Variants in MYH15 observed in about 807,000 individuals in gnomAD.
The protein encoded by MYH15 is myosin-15.
A neutral mutation model predicts 240.5 loss-of-function variants in MYH15; 227 were observed. That is an observed-to-expected ratio of 0.94 (90% CI 0.85 to 1.05). MYH15 has a LOEUF of 1.05. Among genes scored for constraint, MYH15 ranks in the 50% least tolerant of loss-of-function variants. MYH15 has a pLI of 0.00. For missense variants in MYH15, 2,217 were observed against 2,247.5 expected, an observed-to-expected ratio of 0.99 and a Z score of 0.27; for synonymous variants, 785 against 796.7, an observed-to-expected ratio of 0.99 and a Z score of 0.25.
chr3:108,522,635 T>C (rs924192754), intron 1 of MYH15, among the ~76,000 whole-genome samples: 3 of 152,124 alleles, frequency 2.0e-5, no homozygotes, highest in Non-Finnish European at 4.4e-5. Flanking sequence ...CTGCTTCACA[T>C]GTAGTTGATC....
chr3:108,382,790 G>T (rs1043725976), intron 40 of MYH15, among the ~76,000 whole-genome samples: 2 of 152,094 alleles, frequency 1.3e-5, no homozygotes, highest in African/African-American at 4.8e-5. Context: ...ATAATGAAAT[G>T]ATGGTGCCTA....
chr3:108,500,109 G>T lies in MYH15; in HGVS notation c.496+9C>A. 1 of 1,611,120 alleles carries T rather than the reference G, an allele frequency of 6.2e-7. No individual in the cohort carries two copies. The highest frequency in any genetic ancestry group is 8.5e-7 in the Non-Finnish European group (1 of 1,178,890). ...TTTTTACTTTTCATTTTGTAGGGCA[G>T]CTACTCACTGTGAAGCATGTCCTGA... On this transcript the variant is annotated intron_variant, in intron 4 of 40. Coordinates refer to ENST00000693548, the MANE Select transcript of MYH15 (RefSeq NM_014981.3).
At chr3:108,465,839 A>G (rs2083111643) in intron 14 of MYH15, among the ~76,000 whole-genome samples, 1 of 152,172 alleles carries the variant, frequency 6.6e-6, no homozygotes, top group African/African-American at 2.4e-5. Context: ...AGGCAGGAGA[A>G]TCGCTTGAAT....
chr3:108,507,276 T>TATAC (rs1340070501), intron 1 of MYH15, among the ~76,000 whole-genome samples: 5 of 98,002 alleles, frequency 5.1e-5, no homozygotes, highest in African/African-American at 1.4e-4. Context: ...TATATATATA[T>TATAC]ACACATATGA....
intron 9 of MYH15, among the ~76,000 whole-genome samples, chr3:108,489,589 C>T (rs529574881): frequency 1.3e-5 from 2 of 152,252 alleles, no homozygotes; most frequent in East Asian, 3.9e-4. Context: ...CAAATAGGGG[C>T]TGGCTCTGAG....
intron 38 of MYH15, among the ~76,000 whole-genome samples, chr3:108,387,550 T>A (rs2082392970): frequency 6.6e-6 from 1 of 152,158 alleles, no homozygotes; most frequent in African/African-American, 2.4e-5. Flanking sequence ...ATAACTTTGG[T>A]TTTTTGTTCC....
chr3:108,396,345 T>TGG (rs11412136), intron 35 of MYH15, among the ~76,000 whole-genome samples: 2 of 152,064 alleles, frequency 1.3e-5, no homozygotes, highest in South Asian at 4.2e-4. Context: ...GTAGCAGGGT[T>TGG]GGGGGGAGAC....
In MYH15 at chr3:108,397,892, T is replaced by G. The variant is rs925588046; in HGVS notation, c.5133+745A>C. Among the ~76,000 whole-genome samples, 8 of 152,040 alleles carry G rather than the reference T, an allele frequency of 5.3e-5. No individual in the cohort carries two copies. In the East Asian group the frequency reaches 1.5e-3, roughly 29 times the overall value. ...GGAGTGGTTCTGGAACATTAGGGAA[T>G]GTTCATCCCTCCCTCCCCAGCATCC... On this transcript the variant is annotated intron_variant, in intron 35 of 40. Transcript: ENST00000693548.
intron 38 of MYH15, 49 bp from the exon 39 acceptor site, chr3:108,384,831 T>A (rs571005988): frequency 6.6e-7 from 1 of 1,512,560 alleles, no homozygotes; most frequent in African/African-American, 1.4e-5. Flanking sequence ...GATCCAGCAG[T>A]CTACGTTGGT....
At chr3:108,527,277 T>C (rs2083679979) in intron 1 of MYH15, among the ~76,000 whole-genome samples, 1 of 152,100 alleles carries the variant, frequency 6.6e-6, no homozygotes, top group Non-Finnish European at 1.5e-5. Flanking sequence ...GATTAGTGAA[T>C]TCTCATCAGA....
chr3:108,488,757 T>C (rs1480907090), intron 9 of MYH15, among the ~76,000 whole-genome samples: 2 of 152,238 alleles, frequency 1.3e-5, no homozygotes, highest in Admixed American at 1.3e-4. Context: ...GAAGTACAGA[T>C]ACCTCTTCAG....
chr3:108,502,944 C>T (rs1477593579), intron 2 of MYH15, among the ~76,000 whole-genome samples: 1 of 152,124 alleles, frequency 6.6e-6, no homozygotes, highest in African/African-American at 2.4e-5. Flanking sequence ...CCCCTTTTCC[C>T]TAATTCTATT....
chr3:108,410,780 C>G lies in MYH15; in HGVS notation c.4298G>C (p.Arg1433Thr). The G allele has an allele frequency of 6.2e-7, 1 of 1,614,176 alleles. No individual in the cohort carries two copies. Among genetic ancestry groups the G allele is most frequent in the South Asian group, 1.1e-5 (1 of 91,084 alleles). The part of the protein sequence containing the change: ...DLGKVRSAAA[R>T]LDQKQLQSGK... Reference sequence around the variant, plus strand: ...AGACTGCAGCTGCTTCTGGTCCAGCCTGGCTGCTGCAGAGCGGACCTTCCC... The same window carrying G: ...AGACTGCAGCTGCTTCTGGTCCAGCGTGGCTGCTGCAGAGCGGACCTTCCC... The change falls in exon 31 of 41, where the codon AGG (arginine) becomes ACG (threonine). Residue 1433 changes from arginine (R) to threonine (T), a missense_variant. Arg to Thr is a moderately conservative substitution (Grantham distance 71, BLOSUM62 -1). Transcript: ENST00000693548.
chr3:108,498,836 A>T (rs2083414079), intron 5 of MYH15, among the ~76,000 whole-genome samples: 1 of 152,246 alleles, frequency 6.6e-6, no homozygotes. Flanking sequence ...TAACACCATC[A>T]TTGCATGGGA....
chr3:108,500,104 G>A lies in MYH15; in HGVS notation c.496+14C>T. ...AGATATTTTTACTTTTCATTTTGTA[G>A]GGCAGCTACTCACTGTGAAGCATGT... On this transcript the variant is annotated intron_variant, in intron 4 of 40. Coordinates refer to ENST00000693548, the MANE Select transcript of MYH15 (RefSeq NM_014981.3). The A allele has an allele frequency of 6.2e-7, 1 of 1,607,314 alleles. No individual in the cohort carries two copies. Among genetic ancestry groups the A allele is most frequent in the Non-Finnish European group, 8.5e-7 (1 of 1,177,282 alleles).
At chr3:108,474,690 GAAAAACCC>G (rs1446438241) in intron 12 of MYH15, among the ~76,000 whole-genome samples, 10 of 151,974 alleles carry the variant, frequency 6.6e-5, no homozygotes, top group Admixed American at 4.6e-4. Context: ...TTTATACAGA[GAAAAACCC>G]TGTTCTATAA....
chr3:108,485,104 T>G lies in MYH15; in HGVS notation c.1101A>C (p.Ala367=). ...AGTAATTCTTACTTTCTGTGCCATC[T>G]GCTTCCAGTTGCTCTTCTCTAGGTT... ...KQKPREEQLE[A]DGTENADKAA... The change falls in exon 11 of 41, where the codon GCA becomes GCC. Residue 367 remains alanine (A), a synonymous_variant. Coordinates refer to ENST00000693548, the MANE Select transcript of MYH15 (RefSeq NM_014981.3). 1 of 1,614,080 alleles carries G rather than the reference T, an allele frequency of 6.2e-7. No individual in the cohort carries two copies. Among genetic ancestry groups the G allele is most frequent in the Non-Finnish European group, 8.5e-7 (1 of 1,179,938 alleles).
chr3:108,485,559 T>C (rs1239879345), intron 10 of MYH15, among the ~76,000 whole-genome samples: 3 of 152,250 alleles, frequency 2.0e-5, no homozygotes, highest in Non-Finnish European at 4.4e-5. Flanking sequence ...TTCGTGGTTA[T>C]GGCAGAAAGC....
intron 9 of MYH15, among the ~76,000 whole-genome samples, chr3:108,490,521 T>C (rs999233148): frequency 3.3e-5 from 5 of 152,224 alleles, no homozygotes; most frequent in African/African-American, 1.2e-4. Context: ...TGGTCTGCCA[T>C]GGCCTGCAAT....
Sources: gnomAD v4.1 joint callset for allele counts (sites outside exome capture counted in the v4.1 genomes callset) on GRCh38, gnomAD v4.1.1 for gene constraint, MANE v1.5 for transcripts, NCBI Gene and HGNC (gene_info 2026-07-23, HGNC 2026-07-21) for gene names.